Variants in SOCS2 observed in about 807,000 individuals in gnomAD.
SOCS2 encodes the protein CIS-2.
A neutral mutation model predicts 18.6 loss-of-function variants in SOCS2; 10 were observed. The ratio of observed to expected loss-of-function variants is 0.54; its 90% CI spans 0.33 to 0.91. The LOEUF (loss-of-function observed/expected upper bound fraction) is 0.91, where lower values mean the gene tolerates loss of function less well. Ranked by LOEUF, SOCS2 falls within the 40% of genes least tolerant of loss-of-function variation. The pLI, the probability that SOCS2 is intolerant of heterozygous loss-of-function variation, is 0.02. For missense variants in SOCS2, 231 were observed against 247.2 expected, an observed-to-expected ratio of 0.93 and a Z score of 0.44; for synonymous variants, 104 against 104.0, an observed-to-expected ratio of 1.00 and a Z score of 0.00.
the SOCS2 span, among the ~76,000 whole-genome samples, chr12:93,617,811 T>C: frequency 1.4e-3 from 217 of 152,278 alleles, 1 homozygote; most frequent in Non-Finnish European, 2.4e-3. Context: ...TCCATTTACA[T>C]CTCTCCACTT....
chr12:93,607,791 G>C, the SOCS2 span, among the ~76,000 whole-genome samples: 4 of 152,200 alleles, frequency 2.6e-5, no homozygotes, highest in Non-Finnish European at 5.9e-5. Context: ...GATGGGAACA[G>C]TCATTTCCAG....
chr12:93,598,467 G>T, the SOCS2 span, among the ~76,000 whole-genome samples: 4 of 152,180 alleles, frequency 2.6e-5, no homozygotes, highest in Non-Finnish European at 1.5e-5. Flanking sequence ...TGATATAGGG[G>T]ATGGCATAAA....
At chr12:93,620,616 G>A in the SOCS2 span, among the ~76,000 whole-genome samples, 2 of 151,806 alleles carry the variant, frequency 1.3e-5, no homozygotes, top group Non-Finnish European at 2.9e-5. Flanking sequence ...GTTTTGCCAT[G>A]TTGGCCAGGC....
chr12:93,612,301 T>C, the SOCS2 span, among the ~76,000 whole-genome samples: 1 of 152,184 alleles, frequency 6.6e-6, no homozygotes, highest in Admixed American at 6.5e-5. Context: ...GATTCCTCCA[T>C]GGTACTTTTC....
chr12:93,585,506 G>A (rs1047895894), downstream of SOCS2, among the ~76,000 whole-genome samples: 4 of 152,290 alleles, frequency 2.6e-5, no homozygotes, highest in East Asian at 7.8e-4. Context: ...CCTGTGCCAA[G>A]AAGGAGAGAA....
At chr12:93,590,385 A>G in the SOCS2 span, among the ~76,000 whole-genome samples, 111 of 152,250 alleles carry the variant, frequency 7.3e-4, no homozygotes, top group Non-Finnish European at 1.2e-4. Flanking sequence ...ACATTTCTCA[A>G]TCTGGTAACC....
intron 1 of SOCS2, 68 bp downstream of exon 1, chr12:93,573,104 G>A (rs1954318306): frequency 1.3e-6 from 2 of 1,524,000 alleles, no homozygotes; most frequent in Non-Finnish European, 1.8e-6. Flanking sequence ...CTAGGAAGCG[G>A]GGTCGAGGTG....
At chr12:93,605,152 A>G in the SOCS2 span, among the ~76,000 whole-genome samples, 1 of 152,312 alleles carries the variant, frequency 6.6e-6, no homozygotes, top group Admixed American at 6.5e-5. Context: ...CAAATATACA[A>G]AAAGCACAGA....
At chr12:93,605,285 G>A in the SOCS2 span, among the ~76,000 whole-genome samples, 6 of 151,992 alleles carry the variant, frequency 3.9e-5, no homozygotes, top group Non-Finnish European at 5.9e-5. Context: ...TATAACTAAC[G>A]TATATAAGAT....
exon 2 of SOCS2, chr12:93,583,284 A>G (rs1249943162): frequency 6.6e-6 from 1 of 152,088 alleles, no homozygotes; most frequent in Non-Finnish European, 1.5e-5. Flanking sequence ...GATGATGGGC[A>G]TAGGGTGTGT....
the SOCS2 span, among the ~76,000 whole-genome samples, chr12:93,612,670 A>G: frequency 9.9e-5 from 15 of 152,184 alleles, no homozygotes; most frequent in South Asian, 2.9e-3. Flanking sequence ...TTTTTTTCCA[A>G]TTGTGTATAT....
chr12:93,581,252 T>C (rs1954535388), downstream of SOCS2, among the ~76,000 whole-genome samples: 1 of 152,132 alleles, frequency 6.6e-6, no homozygotes, highest in Non-Finnish European at 1.5e-5. Flanking sequence ...AAATTAAGAC[T>C]CTCCGCCACC....
the SOCS2 span, among the ~76,000 whole-genome samples, chr12:93,605,081 C>T: frequency 7.2e-5 from 11 of 152,026 alleles, no homozygotes; most frequent in Non-Finnish European, 1.5e-5. Flanking sequence ...TATGTCAAAG[C>T]AGCTCTCAGT....
At chr12:93,611,982 G>A in the SOCS2 span, among the ~76,000 whole-genome samples, 81 of 152,010 alleles carry the variant, frequency 5.3e-4, 1 homozygote, top group Middle Eastern at 6.8e-3. Flanking sequence ...CCATCTACTG[G>A]TTATACTTTT....
At chr12:93,609,856 T>C in the SOCS2 span, among the ~76,000 whole-genome samples, 2 of 152,184 alleles carry the variant, frequency 1.3e-5, no homozygotes, top group Non-Finnish European at 2.9e-5. Flanking sequence ...TCTCACAGTT[T>C]AGGAGGCTGG....
chr12:93,572,890 C>G lies in SOCS2; in HGVS notation c.-8C>G, dbSNP rs1255256435. On this transcript the variant is annotated 5_prime_UTR_variant, in exon 1 of 2. Coordinates refer to ENST00000551556, the MANE Select transcript of SOCS2 (RefSeq NM_001270471.2). This position sits in a 1 kb window ranked among gnomAD's most constrained non-coding sequence, Gnocchi z 5.0. The stretch of plus-strand genomic sequence containing the variant: ...GCCACCTGTCTTTGCCGCGGTGACC[C>G]TTCTCTCATGACCCTGCGGTGCCTT... The G allele has an allele frequency of 1.3e-6, 2 of 1,571,082 alleles. No individual in the cohort carries two copies. The highest frequency in any genetic ancestry group is 1.7e-6 in the Non-Finnish European group (2 of 1,157,554).
chr12:93,623,623 C>T, the SOCS2 span, among the ~76,000 whole-genome samples: 1 of 152,098 alleles, frequency 6.6e-6, no homozygotes, highest in South Asian at 2.1e-4. Context: ...ATTTAAAATG[C>T]TGTATAGAGA....
At chr12:93,588,743 A>G in the SOCS2 span, among the ~76,000 whole-genome samples, 2 of 152,026 alleles carry the variant, frequency 1.3e-5, no homozygotes, top group Non-Finnish European at 2.9e-5. Context: ...CAGCCTTCCA[A>G]GTATCTGGGA....
chr12:93,621,563 A>C, the SOCS2 span, among the ~76,000 whole-genome samples: 65 of 152,274 alleles, frequency 4.3e-4, no homozygotes, highest in Admixed American at 9.1e-4. Context: ...TGCAGCCTCG[A>C]ACGGTCAGGC....
Sources: allele counts gnomAD v4.1 joint callset (sites outside exome capture counted in the v4.1 genomes callset), GRCh38; gene constraint gnomAD v4.1.1; non-coding constraint Gnocchi (gnomAD v3.1); transcripts MANE v1.5; gene names NCBI Gene and HGNC (gene_info 2026-07-23, HGNC 2026-07-21).